Variants in EEFSEC observed in about 807,000 individuals in gnomAD.
The protein encoded by EEFSEC is selenocysteine-specific elongation factor.
In EEFSEC, 43 loss-of-function variants were observed where a neutral mutation model predicts 42.1. The observed-to-expected ratio is 1.02, with a 90% confidence interval of 0.80 to 1.32. The LOEUF (loss-of-function observed/expected upper bound fraction) is 1.32, where lower values mean the gene tolerates loss of function less well. Ranked by LOEUF, EEFSEC falls within the 40% of genes most tolerant of loss-of-function variation. The pLI is 0.00. For synonymous variants in EEFSEC, 354 were observed against 339.1 expected (o/e 1.04, Z -0.48); for missense variants, 745 against 803.6 (o/e 0.93, Z 0.88).
At chr3:128,279,960 C>T (rs969099804) in intron 4 of EEFSEC, among the ~76,000 whole-genome samples, 2 of 152,208 alleles carry the variant, frequency 1.3e-5, no homozygotes, top group South Asian at 2.1e-4. Context: ...CGTGCGATAC[C>T]ACGTGCCCAT....
intron 1 of EEFSEC, among the ~76,000 whole-genome samples, chr3:128,156,480 A>T (rs190922779): frequency 2.4e-4 from 37 of 152,278 alleles, no homozygotes; most frequent in Non-Finnish European, 4.4e-5. Flanking sequence ...GCTTCACTTG[A>T]TTGTACTTTG....
chr3:128,239,356 T>C (rs2066046269), intron 1 of EEFSEC, among the ~76,000 whole-genome samples: 1 of 152,224 alleles, frequency 6.6e-6, no homozygotes, highest in African/African-American at 2.4e-5. Context: ...TGCAGCAGCT[T>C]GCATTTAGTG....
At chr3:128,224,146 T>C (rs1576558316) in intron 1 of EEFSEC, among the ~76,000 whole-genome samples, 1 of 152,236 alleles carries the variant, frequency 6.6e-6, no homozygotes, top group Non-Finnish European at 1.5e-5. Context: ...TCAATGAACC[T>C]GCTTAAGCCT....
At chr3:128,356,098 G>A (rs1369839479) in intron 5 of EEFSEC, among the ~76,000 whole-genome samples, 8 of 152,236 alleles carry the variant, frequency 5.3e-5, no homozygotes, top group African/African-American at 1.9e-4. Context: ...TTTTCCTGTA[G>A]TACATGTGAT....
intron 6 of EEFSEC, among the ~76,000 whole-genome samples, chr3:128,397,445 C>T (rs2067994458): frequency 6.6e-6 from 1 of 152,202 alleles, no homozygotes. Context: ...CTTTGCAGCC[C>T]CTGGCTGAGT....
intron 2 of EEFSEC, among the ~76,000 whole-genome samples, chr3:128,259,375 G>A (rs373127307): frequency 2.0e-4 from 31 of 152,284 alleles, no homozygotes; most frequent in African/African-American, 7.5e-4. Flanking sequence ...TTAAGGCAAT[G>A]CAATACAAAT....
intron 6 of EEFSEC, among the ~76,000 whole-genome samples, chr3:128,368,098 C>T (rs1337387059): frequency 6.6e-6 from 1 of 152,240 alleles, no homozygotes; most frequent in African/African-American, 2.4e-5. Context: ...TCTCCAGCTA[C>T]AGCCAGTCAC....
chr3:128,349,630 A>G (rs894713751), intron 5 of EEFSEC, among the ~76,000 whole-genome samples: 5 of 152,154 alleles, frequency 3.3e-5, no homozygotes, highest in Admixed American at 1.3e-4. Context: ...CCACCTTCTC[A>G]TGGGTCTCAC....
chr3:128,294,644 T>C (rs1430553736), intron 4 of EEFSEC, among the ~76,000 whole-genome samples: 1 of 151,902 alleles, frequency 6.6e-6, no homozygotes, highest in African/African-American at 2.4e-5. Context: ...GCACTTGAGA[T>C]AGGGAGGGAC....
the EEFSEC span, among the ~76,000 whole-genome samples, chr3:128,420,199 C>G: frequency 6.6e-6 from 1 of 152,230 alleles, no homozygotes. Flanking sequence ...GTCACACACG[C>G]GCGTGGCTCC....
intron 1 of EEFSEC, among the ~76,000 whole-genome samples, chr3:128,189,558 C>CTTTTTTTT (rs3037702): frequency 7.3e-6 from 1 of 137,150 alleles, no homozygotes. Flanking sequence ...GACTTCTTTT[C>CTTTTTTTT]TTTTTTTTTT....
At chr3:128,311,611 C>A (rs1480995749) in intron 4 of EEFSEC, among the ~76,000 whole-genome samples, 1 of 152,228 alleles carries the variant, frequency 6.6e-6, no homozygotes, top group Non-Finnish European at 1.5e-5. Context: ...GTTCCCTGTC[C>A]AGCAGCTGCC....
At chr3:128,211,329 T>C (rs1412685076) in intron 1 of EEFSEC, among the ~76,000 whole-genome samples, 1 of 151,930 alleles carries the variant, frequency 6.6e-6, no homozygotes, top group Non-Finnish European at 1.5e-5. Context: ...TCACAGCTCC[T>C]TGAAGCCTTG....
intron 1 of EEFSEC, among the ~76,000 whole-genome samples, chr3:128,174,582 T>C (rs1216936443): frequency 2.6e-5 from 4 of 152,154 alleles, no homozygotes; most frequent in South Asian, 2.1e-4. Context: ...GTCAGGAAGA[T>C]TGAAATTGGA....
At chr3:128,401,565 A>G (rs1242635909) in intron 6 of EEFSEC, among the ~76,000 whole-genome samples, 1 of 152,142 alleles carries the variant, frequency 6.6e-6, no homozygotes, top group Non-Finnish European at 1.5e-5. Flanking sequence ...AGGGAACCAC[A>G]CATTCCAAGG....
At chr3:128,423,590 C>T in the EEFSEC span, among the ~76,000 whole-genome samples, 1 of 152,234 alleles carries the variant, frequency 6.6e-6, no homozygotes, top group African/African-American at 2.4e-5. Flanking sequence ...TGAAAGGCCA[C>T]ATAATGTGTG....
chr3:128,377,606 C>T (rs2067725026), intron 6 of EEFSEC, among the ~76,000 whole-genome samples: 1 of 152,244 alleles, frequency 6.6e-6, no homozygotes, highest in Admixed American at 6.5e-5. Flanking sequence ...CCTTAATGGG[C>T]TACCTAAGCA....
At chr3:128,229,149 GTCC>G (rs564429500) in intron 1 of EEFSEC, among the ~76,000 whole-genome samples, 3 of 152,330 alleles carry the variant, frequency 2.0e-5, no homozygotes, top group Non-Finnish European at 4.4e-5. Context: ...AACTCCTTCA[GTCC>G]TCCTAACAGT....
chr3:128,187,820 G>A (rs1447084398), intron 1 of EEFSEC, among the ~76,000 whole-genome samples: 2 of 152,312 alleles, frequency 1.3e-5, no homozygotes, highest in East Asian at 3.9e-4. Flanking sequence ...AGTCCTCATG[G>A]ATGATTAAAG....
Sources: allele counts gnomAD v4.1 joint callset (sites outside exome capture counted in the v4.1 genomes callset), GRCh38; gene constraint gnomAD v4.1.1; transcripts MANE v1.5; gene names NCBI Gene and HGNC (gene_info 2026-07-23, HGNC 2026-07-21).